PDE10A: variants seen among roughly 807,000 people sequenced by gnomAD.
The protein encoded by PDE10A is cAMP and cAMP-inhibited cGMP 3',5'-cyclic phosphodiesterase 10A.
Under a neutral mutation model 97.7 loss-of-function variants are expected in PDE10A, and 39 were observed. That is an observed-to-expected ratio of 0.40 (90% CI 0.31 to 0.52). The LOEUF (loss-of-function observed/expected upper bound fraction) is 0.52, where lower values mean the gene tolerates loss of function less well. Ranked by LOEUF, PDE10A falls within the 20% of genes least tolerant of loss-of-function variation. The pLI, the probability that PDE10A is intolerant of heterozygous loss-of-function variation, is 0.56. For synonymous variants in PDE10A, 371 were observed against 376.8 expected (o/e 0.98, Z 0.18); for missense variants, 731 against 1,047.8 (o/e 0.70, Z 4.17).
intron 1 of PDE10A, among the ~76,000 whole-genome samples, chr6:165,923,747 A>G (rs142252380): frequency 1.1e-3 from 167 of 151,910 alleles, no homozygotes; most frequent in African/African-American, 3.7e-3. Context: ...CGAGTATATA[A>G]CTATCACCAC....
At chr6:165,981,407 G>T (rs1354401455) in intron 1 of PDE10A, among the ~76,000 whole-genome samples, 1 of 152,180 alleles carries the variant, frequency 6.6e-6, no homozygotes, top group African/African-American at 2.4e-5. Context: ...CATAATCAAA[G>T]TCACAGAAAT....
At position 165,334,422 on chromosome 6, in the gene PDE10A, C is replaced by T. The variant is rs964432033; in HGVS notation, c.3066-1295G>A. Reference sequence around the variant, plus strand: ...CCATAGCGCCCTACAGCGCCGGGCACGCGCCTCTATAGCGCCCTACAGCGC... The same window carrying T: ...CCATAGCGCCCTACAGCGCCGGGCATGCGCCTCTATAGCGCCCTACAGCGC... On this transcript the variant is annotated intron_variant, in intron 21 of 21. Coordinates refer to ENST00000539869, the MANE Select transcript of PDE10A (RefSeq NM_001385079.1). Among the ~76,000 whole-genome samples, 272 of 148,364 alleles carry T rather than the reference C, an allele frequency of 1.8e-3. 3 individuals carry two copies. Among genetic ancestry groups the T allele is most frequent in the Middle Eastern group, 7.1e-3 (2 of 280 alleles).
intron 16 of PDE10A, among the ~76,000 whole-genome samples, chr6:165,391,743 C>T (rs1280639097): frequency 1.3e-5 from 2 of 152,062 alleles, no homozygotes; most frequent in Admixed American, 1.3e-4. Context: ...TCCTAGAATG[C>T]ATCTTTTGAG....
At chr6:165,467,453 T>C (rs2128266647) in intron 3 of PDE10A, among the ~76,000 whole-genome samples, 1 of 152,306 alleles carries the variant, frequency 6.6e-6, no homozygotes, top group South Asian at 2.1e-4. Flanking sequence ...TGCTGATGAC[T>C]TTAAGTTGAA....
chr6:165,648,340 C>T (rs1033900710), intron 1 of PDE10A, among the ~76,000 whole-genome samples: 14 of 151,996 alleles, frequency 9.2e-5, no homozygotes, highest in African/African-American at 3.4e-4. Flanking sequence ...ACACATCAGA[C>T]CATCCACTGT....
chr6:165,796,177 G>C (rs1348220494), intron 1 of PDE10A, among the ~76,000 whole-genome samples: 1 of 136,522 alleles, frequency 7.3e-6, no homozygotes, highest in Non-Finnish European at 1.5e-5. Flanking sequence ...CTCACTGCCA[G>C]CTCCGCCTCC....
intron 8 of PDE10A, among the ~76,000 whole-genome samples, chr6:165,431,015 A>T (rs897241707): frequency 1.3e-5 from 2 of 152,182 alleles, no homozygotes; most frequent in Non-Finnish European, 2.9e-5. Flanking sequence ...AAAGAACCAG[A>T]TATCTTAAAG....
intron 18 of PDE10A, among the ~76,000 whole-genome samples, chr6:165,358,955 T>C (rs760285803): frequency 1.3e-5 from 2 of 151,630 alleles, no homozygotes; most frequent in African/African-American, 2.4e-5. Context: ...CTACTGAAAA[T>C]TAATGTTCTT....
At chr6:165,407,695 T>C (rs1787319124) in intron 13 of PDE10A, among the ~76,000 whole-genome samples, 3 of 152,354 alleles carry the variant, frequency 2.0e-5, no homozygotes, top group Admixed American at 2.0e-4. Context: ...TAAATGTCTT[T>C]CTATCCAAAA....
At chr6:165,545,170 G>A (rs778137929) in intron 1 of PDE10A, 2 of 507,680 alleles carry the variant, frequency 3.9e-6, no homozygotes, top group Non-Finnish European at 7.8e-6. Context: ...CATGACACAA[G>A]GCTATAGAAT....
At position 165,956,233 on chromosome 6, in the gene PDE10A, G is replaced by A. The variant is rs560968380; in HGVS notation, c.-615+31296C>T. On this transcript the variant is annotated intron_variant, in intron 1 of 19. Coordinates refer to the PDE10A transcript ENST00000366882. ...TGCAAATCTAGAGCCTGGAGAGCAGGGTACCCTATTAGCAGGAGAAATAAC... is the reference window on the plus strand; with the variant it reads ...TGCAAATCTAGAGCCTGGAGAGCAGAGTACCCTATTAGCAGGAGAAATAAC... Among the ~76,000 whole-genome samples the A allele has an allele frequency of 3.3e-5, 5 of 152,168 alleles. No individual in the cohort carries two copies. The South Asian group carries it at 1.0e-3, about 32-fold the overall frequency.
At chr6:165,431,577 T>C in intron 7 of PDE10A, 105 bp from the exon 8 acceptor site, 1 of 325,272 alleles carries the variant, frequency 3.1e-6, no homozygotes, top group African/African-American at 2.3e-5. Context: ...ATAACATATA[T>C]ATACTATATA....
chr6:165,579,189 T>A (rs1051580918), intron 1 of PDE10A, among the ~76,000 whole-genome samples: 2 of 152,184 alleles, frequency 1.3e-5, no homozygotes, highest in Non-Finnish European at 2.9e-5. Context: ...TGCTAAGGAC[T>A]TCAGAATTTT....
intron 1 of PDE10A, among the ~76,000 whole-genome samples, chr6:165,880,650 C>A (rs193270077): frequency 6.6e-6 from 1 of 152,318 alleles, no homozygotes; most frequent in East Asian, 1.9e-4. Flanking sequence ...TCCCCATGTT[C>A]TTCTGCCTCA....
chr6:165,915,036 T>C (rs1012951483), intron 1 of PDE10A, among the ~76,000 whole-genome samples: 1 of 152,336 alleles, frequency 6.6e-6, no homozygotes, highest in Non-Finnish European at 1.5e-5. Flanking sequence ...AATCATCAAA[T>C]AGCATTTAGG....
chr6:165,951,668 G>A (rs762611217), intron 1 of PDE10A, among the ~76,000 whole-genome samples: 8 of 152,026 alleles, frequency 5.3e-5, no homozygotes, highest in Non-Finnish European at 1.0e-4. Flanking sequence ...CCATTTAGAC[G>A]AGTCTGTTCT....
At chr6:165,364,940 G>C (rs184403321) in intron 18 of PDE10A, among the ~76,000 whole-genome samples, 1 of 151,924 alleles carries the variant, frequency 6.6e-6, no homozygotes, top group Non-Finnish European at 1.5e-5. Context: ...AAACTTGCAA[G>C]GTATAGTTCA....
Position 165,987,689 on chromosome 6 carries a change from A to C in PDE10A, c.-775T>G. 4.4e-6 allele frequency: 2 copies of C among 456,770 alleles called. 1 individual carries two copies. Among genetic ancestry groups the C allele is most frequent in the South Asian group, 3.1e-5 (2 of 64,574 alleles). The allele number at this position is 456,770 out of a possible 1,614,324, so 28.3% of individuals were successfully genotyped here. A position where few individuals can be genotyped will look rare whatever the true frequency, so the allele number is the denominator to read the frequency against. ...GAGAACTGCGCAAAGCAAGTTGCCA[A>C]GAAAGCCCGCTGGCCAAGTTCGGGA... On this transcript the variant is annotated 5_prime_UTR_variant, in exon 1 of 20. Coordinates refer to the PDE10A transcript ENST00000366882.
At chr6:165,688,814 G>A (rs532108161) in intron 1 of PDE10A, among the ~76,000 whole-genome samples, 34 of 152,226 alleles carry the variant, frequency 2.2e-4, no homozygotes, top group Non-Finnish European at 3.7e-4. Flanking sequence ...TCCTCCCTTC[G>A]TGACTGTGTC....
Sources: gnomAD v4.1 joint callset for allele counts (sites outside exome capture counted in the v4.1 genomes callset) on GRCh38, gnomAD v4.1.1 for gene constraint, MANE v1.5 for transcripts, NCBI Gene and HGNC (gene_info 2026-07-23, HGNC 2026-07-21) for gene names.